NTSR1: variants seen among roughly 807,000 people sequenced by gnomAD.
NTSR1 encodes neurotensin receptor type 1.
Under a neutral mutation model 31.2 loss-of-function variants are expected in NTSR1, and 29 were observed. That is an observed-to-expected ratio of 0.93 (90% CI 0.69 to 1.27). NTSR1 has a LOEUF of 1.27. Among genes scored for constraint, NTSR1 ranks in the 50% most tolerant of loss-of-function variants. NTSR1 has a pLI of 0.00. For missense variants in NTSR1, 697 were observed against 595.4 expected (o/e 1.17, Z -1.78); for synonymous variants, 282 against 269.9 (o/e 1.04, Z -0.44).
chr20:62,725,573 C>T lies in NTSR1; in HGVS notation c.714+15652C>T, dbSNP rs964960539. ...CCTTAGAATCCTGCAGCCACCCAAC[C>T]GGCCACCCCATCTGTCCACGCCTCA... is the stretch of plus-strand genomic sequence containing the variant. On this transcript the variant is annotated intron_variant, in intron 1 of 3. Coordinates refer to ENST00000370501, the MANE Select transcript of NTSR1 (RefSeq NM_002531.3). Among the ~76,000 whole-genome samples the T allele has an allele frequency of 3.7e-4, 56 of 152,342 alleles. 1 individual carries two copies. The highest frequency in any genetic ancestry group is 1.3e-3 in the African/African-American group (52 of 41,578).
At chr20:62,735,261 T>C (rs73918654) in intron 1 of NTSR1, 17,449 of 152,318 alleles carry the variant, frequency 0.11, 2,458 homozygotes, top group African/African-American at 0.31. Flanking sequence ...GGGCAGTGCC[T>C]GGCACCAGGA....
At chr20:62,738,744 C>T (rs1018397652) in intron 1 of NTSR1, among the ~76,000 whole-genome samples, 2 of 152,214 alleles carry the variant, frequency 1.3e-5, no homozygotes, top group Admixed American at 6.5e-5. Flanking sequence ...TCCAGGCTCA[C>T]GCTGGTCCTC....
chr20:62,724,284 G>A (rs944796686), intron 1 of NTSR1, among the ~76,000 whole-genome samples: 1 of 152,224 alleles, frequency 6.6e-6, no homozygotes, highest in Non-Finnish European at 1.5e-5. Context: ...GGCCCAGACG[G>A]TTAGGGACAA....
intron 1 of NTSR1, among the ~76,000 whole-genome samples, chr20:62,719,119 C>CT (rs1988786785): frequency 1.4e-5 from 1 of 72,268 alleles, no homozygotes; most frequent in Non-Finnish European, 3.2e-5. Context: ...CTTTTTTTTT[C>CT]TTTCAAAAAA....
rs1356528302 is a variant in NTSR1 at position 62,733,496 on chromosome 20, T to G, written c.715-21189T>G. Among the ~76,000 whole-genome samples, 1 of 152,052 alleles carries G rather than the reference T, an allele frequency of 6.6e-6. No individual in the cohort carries two copies. The highest frequency in any genetic ancestry group is 1.5e-5 in the Non-Finnish European group (1 of 68,006). ...AGATTTCCACTTTGGAAAGGGAAGGTTCTAGAAAGTTCTGGAAAGCTCGGC... is the reference window on the plus strand; with the variant it reads ...AGATTTCCACTTTGGAAAGGGAAGGGTCTAGAAAGTTCTGGAAAGCTCGGC... On this transcript the variant is annotated intron_variant, in intron 1 of 3. Transcript: ENST00000370501. The surrounding 1 kb of genome is among the most constrained non-coding windows in gnomAD (Gnocchi z 5.2).
chr20:62,712,578 G>C (rs1231469993), intron 1 of NTSR1, among the ~76,000 whole-genome samples: 1 of 152,242 alleles, frequency 6.6e-6, no homozygotes, highest in Non-Finnish European at 1.5e-5. Flanking sequence ...GGAGTGGGCA[G>C]GGCTCTCAGG....
At position 62,758,310 on chromosome 20, in the gene NTSR1, G is replaced by C. The variant is rs374108238; in HGVS notation, c.961G>C (p.Val321Leu). The C allele has an allele frequency of 1.2e-6, 2 of 1,613,758 alleles. No homozygotes were observed. The highest frequency in any genetic ancestry group is 1.7e-6 in the Non-Finnish European group (2 of 1,179,984). The change falls in exon 3 of 4, where the codon GTG becomes CTG. Residue 321 changes from valine to leucine, a missense_variant. By Grantham distance (32) the Val-to-Leu change is conservative. Coordinates refer to ENST00000370501, the MANE Select transcript of NTSR1 (RefSeq NM_002531.3). The surrounding 1 kb of genome is among the most constrained non-coding windows in gnomAD (Gnocchi z 4.5). ...AFVVCWLPYH[V>L]RRLMFCYISD... The stretch of plus-strand genomic sequence containing the variant: ...TGTGGTCTGCTGGCTGCCCTACCAC[G>C]TGCGGCGCCTCATGTTCTGCTACAT...
intron 1 of NTSR1, among the ~76,000 whole-genome samples, chr20:62,725,237 G>C (rs1311868148): frequency 6.6e-6 from 1 of 152,238 alleles, no homozygotes; most frequent in Non-Finnish European, 1.5e-5. Flanking sequence ...CCCAGCCCCA[G>C]CTCAATTGCC....
intron 1 of NTSR1, among the ~76,000 whole-genome samples, chr20:62,727,619 G>A (rs1295818687): frequency 2.0e-5 from 3 of 152,246 alleles, no homozygotes; most frequent in African/African-American, 7.2e-5. Context: ...ATAGCACAGA[G>A]AGGGTGGCTG....
chr20:62,759,172 C>T lies in NTSR1; in HGVS notation c.1007+816C>T, dbSNP rs145425811. 5.8e-3 allele frequency among the ~76,000 whole-genome samples: 878 copies of T among 152,310 alleles called. 35 individuals are homozygous for T. The highest frequency in any genetic ancestry group is 0.052 in the Admixed American group (799 of 15,302). On this transcript the variant is annotated intron_variant, in intron 3 of 3. Transcript: ENST00000370501. ...ACAACCACCAGGGAGGGCGCACCTA[C>T]GACCAATGAGGAGGAGAAGGCACGG... is the stretch of plus-strand genomic sequence containing the variant.
intron 1 of NTSR1, among the ~76,000 whole-genome samples, chr20:62,727,736 G>T (rs1988933276): frequency 6.6e-6 from 1 of 152,244 alleles, no homozygotes. Context: ...GCTGAAAGCA[G>T]CAGCCCCTGG....
intron 1 of NTSR1, among the ~76,000 whole-genome samples, chr20:62,736,179 C>T (rs946441444): frequency 2.0e-5 from 3 of 152,184 alleles, no homozygotes; most frequent in Admixed American, 6.5e-5. Flanking sequence ...TGGGGTGCCT[C>T]GGGCAGGGGC....
At chr20:62,731,596 A>C (rs977557364) in intron 1 of NTSR1, among the ~76,000 whole-genome samples, 4 of 152,198 alleles carry the variant, frequency 2.6e-5, no homozygotes, top group African/African-American at 9.7e-5. Context: ...CTTGCATTTT[A>C]TATTAAGGTC....
chr20:62,734,351 G>T (rs1394461873), intron 1 of NTSR1, among the ~76,000 whole-genome samples: 1 of 152,182 alleles, frequency 6.6e-6, no homozygotes, highest in African/African-American at 2.4e-5. Context: ...TGCAGTAGGG[G>T]CTTTGTGGCC....
Position 62,739,109 on chromosome 20 carries a change from C to T in NTSR1, c.715-15576C>T, listed in dbSNP as rs1163752227. Among the ~76,000 whole-genome samples the T allele has an allele frequency of 2.6e-5, 4 of 152,222 alleles. No individual in the cohort carries two copies. The South Asian group carries it at 6.2e-4, about 24-fold the overall frequency. On this transcript the variant is annotated intron_variant, in intron 1 of 3. Coordinates refer to ENST00000370501, the MANE Select transcript of NTSR1 (RefSeq NM_002531.3). ...GGCTGTGAGGGAGACGCGTGTGGAA[C>T]CTCATGTCGTGTGGCGCCGTTGGGG...
In NTSR1 at chr20:62,758,478, C is replaced by T. The variant is rs144631140; in HGVS notation, c.1007+122C>T. ...GGCAGGGGTGTGGTGAGTCCCCCGG[C>T]GACCCCCTGGGCAGGGTTGTGCTGT... On this transcript the variant is annotated intron_variant, in intron 3 of 3. Transcript: ENST00000370501. This position sits in a 1 kb window ranked among gnomAD's most constrained non-coding sequence, Gnocchi z 4.5. 1.3e-3 allele frequency: 1,078 copies of T among 856,144 alleles called. 9 individuals carry two copies. In the East Asian group the frequency reaches 0.018, roughly 15 times the overall value. 53.0% of individuals were successfully genotyped at this position (856,144 alleles called of 1,614,324 possible).
chr20:62,730,814 G>A (rs1194389753), intron 1 of NTSR1, among the ~76,000 whole-genome samples: 3 of 152,156 alleles, frequency 2.0e-5, no homozygotes, highest in African/African-American at 4.8e-5. Flanking sequence ...TGTTTTAATC[G>A]ACATTTCTCT....
chr20:62,728,196 C>G (rs999152759), intron 1 of NTSR1, among the ~76,000 whole-genome samples: 3 of 152,158 alleles, frequency 2.0e-5, no homozygotes, highest in Non-Finnish European at 4.4e-5. Context: ...GGGAGTGGTG[C>G]ACAGGTCCCC....
At chr20:62,728,957 A>G (rs1009359337) in intron 1 of NTSR1, among the ~76,000 whole-genome samples, 1 of 152,134 alleles carries the variant, frequency 6.6e-6, no homozygotes, top group Non-Finnish European at 1.5e-5. Context: ...GGACCCTAAG[A>G]CTGTCCCCTG....
Sources: allele counts gnomAD v4.1 joint callset (sites outside exome capture counted in the v4.1 genomes callset), GRCh38; gene constraint gnomAD v4.1.1; non-coding constraint Gnocchi (gnomAD v3.1); transcripts MANE v1.5; gene names NCBI Gene and HGNC (gene_info 2026-07-23, HGNC 2026-07-21).